The following SEMA3A variants were observed in gnomAD, a reference collection of about 807,000 sequenced individuals.
SEMA3A encodes the protein semaphorin 3A.
A neutral mutation model predicts 97.9 loss-of-function variants in SEMA3A; 29 were observed. The observed-to-expected ratio is 0.30, with a 90% CI of 0.22 to 0.40. The LOEUF (loss-of-function observed/expected upper bound fraction) is 0.40, where lower values mean the gene tolerates loss of function less well. SEMA3A is among the 10% of genes least tolerant of loss of function. The pLI is 1.00. For synonymous variants in SEMA3A, 321 were observed against 323.7 expected (o/e 0.99, Z 0.09); for missense variants, 763 against 951.3 (o/e 0.80, Z 2.60).
At chr7:84,374,911 C>A (rs1367704733) in intron 1 of SEMA3A, among the ~76,000 whole-genome samples, 4 of 152,182 alleles carry the variant, frequency 2.6e-5, no homozygotes, top group South Asian at 4.1e-4. Flanking sequence ...TGTGACAGAA[C>A]CCTGTGCACT....
rs1258084435 is a variant in SEMA3A at position 84,077,073 on chromosome 7, G to A, written c.454-16515C>T. ...ATGAATGCCTGTTAACTCCCAAGAT[G>A]TATAACAATGAAAGGGAAAATTCTA... On this transcript the variant is annotated intron_variant, in intron 4 of 16. Transcript: ENST00000265362. 2.0e-5 allele frequency among the ~76,000 whole-genome samples: 3 copies of A among 152,226 alleles called. No individual in the cohort carries two copies. The East Asian group carries it at 5.8e-4, about 29-fold the overall frequency.
chr7:84,067,292 A>G (rs1257998148), intron 4 of SEMA3A, among the ~76,000 whole-genome samples: 1 of 152,168 alleles, frequency 6.6e-6, no homozygotes, highest in Non-Finnish European at 1.5e-5. Context: ...TAAAGACTTA[A>G]ACGTTTGACC....
intron 3 of SEMA3A, among the ~76,000 whole-genome samples, chr7:84,231,914 G>A (rs1799124663): frequency 6.6e-6 from 1 of 151,866 alleles, no homozygotes; most frequent in African/African-American, 2.4e-5. Flanking sequence ...TACATGGAAT[G>A]CTTAGCCTTG....
chr7:84,452,634 T>A (rs1805587988), intron 1 of SEMA3A, among the ~76,000 whole-genome samples: 1 of 152,210 alleles, frequency 6.6e-6, no homozygotes, highest in South Asian at 2.1e-4. Flanking sequence ...AAAATAGTTT[T>A]AAAAGAGTTT....
chr7:84,192,985 C>T (rs577072419), intron 1 of SEMA3A, among the ~76,000 whole-genome samples: 8 of 151,956 alleles, frequency 5.3e-5, no homozygotes, highest in African/African-American at 1.9e-4. Context: ...AAAACACAGA[C>T]ACCATAATAT....
At chr7:84,479,819 G>A (rs1445183273) in intron 1 of SEMA3A, among the ~76,000 whole-genome samples, 2 of 152,144 alleles carry the variant, frequency 1.3e-5, no homozygotes, top group South Asian at 2.1e-4. Context: ...TAAATAAGAA[G>A]CTCAATAGTT....
chr7:84,271,237 G>C (rs1800144585), intron 3 of SEMA3A, among the ~76,000 whole-genome samples: 1 of 151,994 alleles, frequency 6.6e-6, no homozygotes, highest in East Asian at 1.9e-4. Context: ...ACCCAGGCCA[G>C]AGTGAAGATG....
chr7:84,245,608 C>G (rs756558065), intron 3 of SEMA3A, among the ~76,000 whole-genome samples: 1 of 151,644 alleles, frequency 6.6e-6, no homozygotes, highest in African/African-American at 2.4e-5. Flanking sequence ...ATAGTCAGGC[C>G]CCTCTGCTGC....
At chr7:84,143,694 TA>T (rs1020901414) in intron 1 of SEMA3A, among the ~76,000 whole-genome samples, 202 of 143,124 alleles carry the variant, frequency 1.4e-3, no homozygotes, top group African/African-American at 4.7e-3. Context: ...CATCTCTACT[TA>T]AAAAAAAAAA....
chr7:84,339,118 T>C (rs1365234667), intron 2 of SEMA3A, among the ~76,000 whole-genome samples: 1 of 152,156 alleles, frequency 6.6e-6, no homozygotes, highest in African/African-American at 2.4e-5. Context: ...AATTAACTGT[T>C]CAAATGGTGT....
chr7:84,320,227 T>A (rs1285373615), intron 2 of SEMA3A, among the ~76,000 whole-genome samples: 1 of 152,182 alleles, frequency 6.6e-6, no homozygotes, highest in African/African-American at 2.4e-5. Context: ...TATATTATAA[T>A]CTCCTTCCTT....
intron 1 of SEMA3A, among the ~76,000 whole-genome samples, chr7:84,425,452 T>G (rs1804786188): frequency 1.4e-5 from 2 of 138,908 alleles, no homozygotes; most frequent in Non-Finnish European, 3.0e-5. Context: ...TATATTTATA[T>G]GCATATAAAT....
chr7:84,411,901 A>G (rs550719347), intron 1 of SEMA3A, among the ~76,000 whole-genome samples: 84 of 152,276 alleles, frequency 5.5e-4, no homozygotes, highest in African/African-American at 1.9e-3. Context: ...AGATTCTATA[A>G]AATAGACACC....
At chr7:84,025,918 T>C (rs967966719) in intron 6 of SEMA3A, among the ~76,000 whole-genome samples, 5 of 152,242 alleles carry the variant, frequency 3.3e-5, no homozygotes, top group Admixed American at 2.0e-4. Context: ...TTTGCACCTA[T>C]GTAATTTGCA....
At chr7:84,091,624 A>C (rs186056695) in intron 4 of SEMA3A, among the ~76,000 whole-genome samples, 31 of 152,290 alleles carry the variant, frequency 2.0e-4, no homozygotes, top group Admixed American at 3.3e-4. Context: ...AAAACAATAT[A>C]ATTAAACTTC....
intron 6 of SEMA3A, among the ~76,000 whole-genome samples, chr7:84,030,987 G>GTTTTTTTTTTT (rs10615974): frequency 2.1e-5 from 2 of 95,024 alleles, no homozygotes; most frequent in East Asian, 3.5e-4. Flanking sequence ...TTTTGGTCAA[G>GTTTTTTTTTTT]TTTTTTTTTT....
At chr7:84,299,263 CAT>C (rs1168730869) in intron 3 of SEMA3A, among the ~76,000 whole-genome samples, 1 of 136,202 alleles carries the variant, frequency 7.3e-6, no homozygotes, top group Admixed American at 7.4e-5. Flanking sequence ...TATATATCTC[CAT>C]ATATATATCT....
At chr7:83,968,128 A>G (rs1187242700) in intron 15 of SEMA3A, among the ~76,000 whole-genome samples, 2 of 152,236 alleles carry the variant, frequency 1.3e-5, no homozygotes, top group Admixed American at 6.5e-5. Flanking sequence ...TCCAATATAA[A>G]CAAAAACTCA....
intron 1 of SEMA3A, among the ~76,000 whole-genome samples, chr7:84,176,368 G>A (rs557033730): frequency 6.6e-6 from 1 of 152,000 alleles, no homozygotes; most frequent in Non-Finnish European, 1.5e-5. Context: ...TTTTCTATTG[G>A]GATTTCTCCC....
Sources: gnomAD v4.1 joint callset for allele counts (sites outside exome capture counted in the v4.1 genomes callset) on GRCh38, gnomAD v4.1.1 for gene constraint, MANE v1.5 for transcripts, NCBI Gene and HGNC (gene_info 2026-07-23, HGNC 2026-07-21) for gene names.